Variants in FAM149B1 observed in about 807,000 individuals in gnomAD.
The protein encoded by FAM149B1 is primary cilium assembly protein FAM149B1.
In FAM149B1, 56 loss-of-function variants were observed where a neutral mutation model predicts 75.3. That is an observed-to-expected ratio of 0.74 (90% CI 0.60 to 0.93). The LOEUF (loss-of-function observed/expected upper bound fraction) is 0.93. Among genes scored for constraint, FAM149B1 ranks in the 40% least tolerant of loss-of-function variants. FAM149B1 has a pLI of 0.00. For synonymous variants in FAM149B1, 259 were observed against 256.1 expected (o/e 1.01, Z -0.11); for missense variants, 639 against 708.4 (o/e 0.90, Z 1.11).
At position 73,208,661 on chromosome 10, in the gene FAM149B1, T is replaced by G. The variant is rs537255181; in HGVS notation, c.585T>G (p.Tyr195Ter). Residue 195 changes from tyrosine to a stop codon, truncating the protein, a stop_gained, in exon 6 of 14, where the codon TAT becomes TAG. Coordinates refer to ENST00000242505, the MANE Select transcript of FAM149B1 (RefSeq NM_173348.2). LOFTEE classifies it high-confidence loss of function. Reference protein sequence around the residue: ...RGKKLHFSSSYAHKASSIAKS... With the variant: ...RGKKLHFSSS Reference sequence around the variant, plus strand: ...AGAAGTTACATTTTTCATCTTCTTATGCTCATAAAGCATCTTCCATTGCCA... The same window carrying G: ...AGAAGTTACATTTTTCATCTTCTTAGGCTCATAAAGCATCTTCCATTGCCA... 6.5e-7 allele frequency: 1 copy of G among 1,546,588 alleles called. No individual in the cohort carries two copies. The highest frequency in any genetic ancestry group is 1.4e-5 in the African/African-American group (1 of 73,120).
chr10:73,235,022 C>T, intron 11 of FAM149B1, 82 bp downstream of exon 11: 1 of 1,505,712 alleles, frequency 6.6e-7, no homozygotes, highest in African/African-American at 1.4e-5. Flanking sequence ...GTGCCCTGAT[C>T]TTGATTTATA....
intron 3 of FAM149B1, among the ~76,000 whole-genome samples, chr10:73,182,323 T>C (rs767863645): frequency 2.0e-5 from 3 of 151,520 alleles, no homozygotes; most frequent in Admixed American, 1.3e-4. Flanking sequence ...CAAGTGATTC[T>C]CCTGCCTCAG....
chr10:73,176,612 G>A (rs752816694), intron 2 of FAM149B1, among the ~76,000 whole-genome samples: 10 of 152,154 alleles, frequency 6.6e-5, no homozygotes, highest in Non-Finnish European at 1.3e-4. Context: ...TAGGCCGGGC[G>A]TGATGGCTCA....
Position 73,208,786 on chromosome 10 carries a change from T to G in FAM149B1, c.710T>G (p.Ile237Arg), listed in dbSNP as rs1438533519. Residue 237 changes from isoleucine to arginine, a missense_variant and splice_region_variant, in exon 6 of 14, where the codon ATA (isoleucine) becomes AGA (arginine). Ile to Arg is a moderately conservative substitution (Grantham distance 97). Coordinates refer to ENST00000242505, the MANE Select transcript of FAM149B1 (RefSeq NM_173348.2). Reference sequence around the variant, plus strand: ...TACCTAGCATTCGATCACATAGATATGTGAGTATTATGCCTTTTAAGCTTT... The same window carrying G: ...TACCTAGCATTCGATCACATAGATAGGTGAGTATTATGCCTTTTAAGCTTT... ...EEYLAFDHID[I>R]EEGFHGKKSE... The G allele has an allele frequency of 1.3e-6, 2 of 1,491,572 alleles. No individual in the cohort carries two copies. Among genetic ancestry groups the G allele is most frequent in the African/African-American group, 2.8e-5 (2 of 71,408 alleles). 92.4% of individuals were successfully genotyped at this position (1,491,572 alleles called of 1,614,324 possible).
chr10:73,220,830 G>A (rs1038234450), intron 7 of FAM149B1, among the ~76,000 whole-genome samples: 4 of 152,172 alleles, frequency 2.6e-5, no homozygotes, highest in Admixed American at 2.0e-4. Context: ...TTGGACTTCT[G>A]GCCTCCAGAA....
Position 73,243,796 on chromosome 10 carries a change from G to T in FAM149B1, c.*2777G>T, listed in dbSNP as rs2043978676. ...CAACATTCCAAAGAAAATATTAGCA[G>T]TAGGAATCAGATCATTAAAGATGTG... On this transcript the variant is annotated 3_prime_UTR_variant, in exon 14 of 14. Coordinates refer to ENST00000242505, the MANE Select transcript of FAM149B1 (RefSeq NM_173348.2). 6.0e-6 allele frequency: 9 copies of T among 1,495,304 alleles called. No homozygotes were observed. In the East Asian group the frequency reaches 2.0e-4, roughly 34 times the overall value. 92.6% of individuals were successfully genotyped at this position (1,495,304 alleles called of 1,614,324 possible).
At chr10:73,175,736 A>T (rs927038269) in intron 2 of FAM149B1, among the ~76,000 whole-genome samples, 2 of 152,022 alleles carry the variant, frequency 1.3e-5, no homozygotes, top group Non-Finnish European at 2.9e-5. Flanking sequence ...CAAGATTATA[A>T]AAAACAAACA....
chr10:73,171,925 G>A (rs543114089), intron 1 of FAM149B1, among the ~76,000 whole-genome samples: 12 of 152,176 alleles, frequency 7.9e-5, no homozygotes, highest in African/African-American at 2.4e-4. Context: ...ACCGCACCTG[G>A]CCTCCTTATC....
intron 7 of FAM149B1, 110 bp from the exon 8 acceptor site, chr10:73,227,950 G>A (rs527451677): frequency 1.3e-5 from 15 of 1,153,390 alleles, no homozygotes; most frequent in African/African-American, 4.6e-5. Context: ...GCAAAGATAA[G>A]TGAAGCCTTG....
At chr10:73,230,185 G>GC (rs2043652629) in intron 8 of FAM149B1, 1 of 395,276 alleles carries the variant, frequency 2.5e-6, no homozygotes, top group Non-Finnish European at 4.7e-6. Context: ...TTTTCATCCA[G>GC]ATTGATCAGG....
At chr10:73,183,979 C>G (rs1489105362) in intron 3 of FAM149B1, among the ~76,000 whole-genome samples, 1 of 152,114 alleles carries the variant, frequency 6.6e-6, no homozygotes, top group Non-Finnish European at 1.5e-5. Context: ...CTGGGACAAA[C>G]AATGGATTGG....
intron 12 of FAM149B1, among the ~76,000 whole-genome samples, chr10:73,237,829 T>A (rs2043855934): frequency 6.6e-6 from 1 of 152,032 alleles, no homozygotes; most frequent in Non-Finnish European, 1.5e-5. Flanking sequence ...GCTCAAGTGA[T>A]CCTCCCACCG....
intron 3 of FAM149B1, among the ~76,000 whole-genome samples, chr10:73,183,733 A>G (rs1051627157): frequency 6.6e-5 from 10 of 152,248 alleles, no homozygotes; most frequent in African/African-American, 2.4e-4. Context: ...CAAAAAGCAT[A>G]TAACAAATAA....
At chr10:73,208,524 C>T in intron 5 of FAM149B1, 95 bp from the exon 6 acceptor site, 1 of 755,538 alleles carries the variant, frequency 1.3e-6, no homozygotes, top group Non-Finnish European at 2.1e-6. Flanking sequence ...ATTGCCAGGG[C>T]AAGGGGAGTT....
At chr10:73,239,882 A>G (rs2043902825) in intron 13 of FAM149B1, among the ~76,000 whole-genome samples, 1 of 152,174 alleles carries the variant, frequency 6.6e-6, no homozygotes, top group South Asian at 2.1e-4. Context: ...TTTATCTTTA[A>G]ATTATACTCT....
chr10:73,195,705 T>C (rs1394578120), intron 5 of FAM149B1, among the ~76,000 whole-genome samples: 1 of 152,210 alleles, frequency 6.6e-6, no homozygotes, highest in African/African-American at 2.4e-5. Context: ...ACCCTTTCTT[T>C]CCTTTTTACT....
At chr10:73,171,360 A>G (rs139324923) in intron 1 of FAM149B1, among the ~76,000 whole-genome samples, 1 of 152,322 alleles carries the variant, frequency 6.6e-6, no homozygotes, top group East Asian at 1.9e-4. Flanking sequence ...AATGGGAGCA[A>G]ATTCAAAGCA....
At chr10:73,170,518 A>G (rs3763724) in intron 1 of FAM149B1, among the ~76,000 whole-genome samples, 23,814 of 151,926 alleles carry the variant, frequency 0.16, 3,082 homozygotes, top group African/African-American at 0.33. Context: ...AAATAAATAA[A>G]TAAATAAAAA....
intron 3 of FAM149B1, among the ~76,000 whole-genome samples, chr10:73,184,216 A>G (rs543437630): frequency 6.6e-6 from 1 of 152,324 alleles, no homozygotes; most frequent in African/African-American, 2.4e-5. Context: ...ACTTTAAAAG[A>G]AAAAATACTA....
Sources: gnomAD v4.1 joint callset for allele counts (sites outside exome capture counted in the v4.1 genomes callset) on GRCh38, gnomAD v4.1.1 for gene constraint, MANE v1.5 for transcripts, NCBI Gene and HGNC (gene_info 2026-07-23, HGNC 2026-07-21) for gene names.